The following TNNI3K variants were observed in gnomAD, a reference collection of about 807,000 sequenced individuals.
TNNI3K encodes serine/threonine-protein kinase TNNI3K.
TNNI3K carries 140 observed loss-of-function variants against 114.5 expected under a neutral mutation model. The observed-to-expected ratio is 1.22, with a 90% confidence interval of 1.07 to 1.41. TNNI3K has a LOEUF of 1.41. TNNI3K is among the 40% of genes most tolerant of loss of function. The pLI is 0.00. For missense variants in TNNI3K, 1,125 were observed against 1,007.6 expected, an observed-to-expected ratio of 1.12 and a Z score of -1.58; for synonymous variants, 347 against 347.5, an observed-to-expected ratio of 1.00 and a Z score of 0.02.
At chr1:74,348,351 G>A (rs1030549019) in intron 9 of TNNI3K, among the ~76,000 whole-genome samples, 1 of 152,218 alleles carries the variant, frequency 6.6e-6, no homozygotes. Flanking sequence ...TGTTCCATTG[G>A]TCTATATCTC....
intron 23 of TNNI3K, among the ~76,000 whole-genome samples, chr1:74,495,964 A>G (rs1319192583): frequency 6.6e-6 from 1 of 152,158 alleles, no homozygotes; most frequent in African/African-American, 2.4e-5. Flanking sequence ...ATAAAAATTG[A>G]TGGACTAAGT....
chr1:74,494,368 G>A (rs1297255245), intron 23 of TNNI3K, among the ~76,000 whole-genome samples: 4 of 152,158 alleles, frequency 2.6e-5, no homozygotes, highest in Admixed American at 1.3e-4. Flanking sequence ...ATGAAGAGAT[G>A]GGACTCTGAT....
chr1:74,431,255 A>G (rs1374439753), intron 17 of TNNI3K, among the ~76,000 whole-genome samples: 1 of 152,140 alleles, frequency 6.6e-6, no homozygotes, highest in African/African-American at 2.4e-5. Flanking sequence ...GGTATTAAGC[A>G]GTCTTCTGAC....
At chr1:74,420,307 A>G (rs1007427884) in intron 17 of TNNI3K, among the ~76,000 whole-genome samples, 1 of 152,116 alleles carries the variant, frequency 6.6e-6, no homozygotes, top group African/African-American at 2.4e-5. Flanking sequence ...TAGAATTCAC[A>G]TAATTCATTC....
In TNNI3K at chr1:74,455,666, A is replaced by G. The variant is rs142990012; in HGVS notation, c.2012-7775A>G. ...TGAGAATCAGGAGGGTCACCACTGT[A>G]AGTTCCAGACTCTGAAGGCCCAAGG... On this transcript the variant is annotated intron_variant, in intron 20 of 24. Transcript: ENST00000326637. 2.8e-3 allele frequency among the ~76,000 whole-genome samples: 423 copies of G among 152,270 alleles called. 2 individuals are homozygous for G. The highest frequency in any genetic ancestry group is 9.8e-3 in the African/African-American group (406 of 41,556).
At chr1:74,392,747 C>T (rs1226357326) in intron 17 of TNNI3K, among the ~76,000 whole-genome samples, 1 of 152,154 alleles carries the variant, frequency 6.6e-6, no homozygotes, top group Non-Finnish European at 1.5e-5. Context: ...CGAGTACCTC[C>T]CGAAATGCAT....
At chr1:74,487,913 A>T (rs1227074940) in intron 21 of TNNI3K, among the ~76,000 whole-genome samples, 1 of 152,070 alleles carries the variant, frequency 6.6e-6, no homozygotes, top group East Asian at 1.9e-4. Flanking sequence ...ATAAAGATTG[A>T]GAGGTTAAAG....
chr1:74,330,380 A>G (rs1390228174), intron 5 of TNNI3K, among the ~76,000 whole-genome samples: 1 of 152,136 alleles, frequency 6.6e-6, no homozygotes, highest in Admixed American at 6.5e-5. Flanking sequence ...AAGTCACCAG[A>G]GGAATCTATA....
intron 21 of TNNI3K, chr1:74,475,277 A>G (rs951196784): frequency 3.7e-5 from 23 of 627,054 alleles, no homozygotes; most frequent in Middle Eastern, 2.5e-4. Context: ...GGGATTTTCT[A>G]AAACAAGACA....
intron 17 of TNNI3K, among the ~76,000 whole-genome samples, chr1:74,403,931 C>G (rs1664489905): frequency 6.6e-6 from 1 of 152,124 alleles, no homozygotes; most frequent in Non-Finnish European, 1.5e-5. Flanking sequence ...TTATTACCAC[C>G]ATTAGAGTAA....
chr1:74,390,644 C>CA (rs1280946091), intron 17 of TNNI3K, among the ~76,000 whole-genome samples: 1 of 152,086 alleles, frequency 6.6e-6, no homozygotes, highest in African/African-American at 2.4e-5. Flanking sequence ...TCTCTGCTTT[C>CA]ATGAAGCATA....
chr1:74,249,643 T>C, intron 3 of TNNI3K, 99 bp downstream of exon 3: 1 of 1,194,460 alleles, frequency 8.4e-7, no homozygotes, highest in Non-Finnish European at 1.1e-6. Context: ...CTATTCATAC[T>C]CAATTTTCCC....
chr1:74,255,306 A>G (rs919557610), intron 4 of TNNI3K, among the ~76,000 whole-genome samples: 6 of 147,246 alleles, frequency 4.1e-5, no homozygotes, highest in Non-Finnish European at 7.4e-5. Context: ...GTGAGCCGAG[A>G]TCCCGCCACT....
intron 5 of TNNI3K, among the ~76,000 whole-genome samples, chr1:74,317,878 G>A (rs941348660): frequency 6.6e-6 from 1 of 152,166 alleles, no homozygotes; most frequent in East Asian, 1.9e-4. Context: ...TGATCAATGC[G>A]CTGCTGAGTC....
chr1:74,240,157 A>C (rs1467898596), intron 2 of TNNI3K: 2 of 204,058 alleles, frequency 9.8e-6, no homozygotes, highest in Admixed American at 1.0e-4. Context: ...ATATGTGTTC[A>C]TTAAAGGCAG....
intron 5 of TNNI3K, among the ~76,000 whole-genome samples, chr1:74,309,821 A>C (rs1294094121): frequency 6.6e-6 from 1 of 152,210 alleles, no homozygotes; most frequent in Non-Finnish European, 1.5e-5. Context: ...AAATAGTAAG[A>C]GCCATCTATG....
chr1:74,259,089 C>T (rs184843470), intron 4 of TNNI3K, among the ~76,000 whole-genome samples: 210 of 152,248 alleles, frequency 1.4e-3, no homozygotes, highest in Non-Finnish European at 1.7e-3. Context: ...ACTATTCAGG[C>T]GTTTCTAGAG....
chr1:74,445,223 T>C (rs1168083727), intron 20 of TNNI3K, among the ~76,000 whole-genome samples: 2 of 15,058 alleles, frequency 1.3e-4, no homozygotes, highest in Non-Finnish European at 8.4e-4. Flanking sequence ...TTTTCTTTCT[T>C]TTTTTTTTTA....
chr1:74,442,747 A>G (rs550014932), intron 20 of TNNI3K, among the ~76,000 whole-genome samples: 11 of 152,022 alleles, frequency 7.2e-5, no homozygotes, highest in Non-Finnish European at 1.3e-4. Context: ...TAAAAATATC[A>G]ATGTCCTAAT....
Sources: allele counts gnomAD v4.1 joint callset (sites outside exome capture counted in the v4.1 genomes callset), GRCh38; gene constraint gnomAD v4.1.1; transcripts MANE v1.5; gene names NCBI Gene and HGNC (gene_info 2026-07-23, HGNC 2026-07-21).